Variants in HS1BP3 observed in about 807,000 individuals in gnomAD.
The protein encoded by HS1BP3 is HCLS1 binding protein 3.
Under a neutral mutation model 33.5 loss-of-function variants are expected in HS1BP3, and 32 were observed. The observed-to-expected ratio is 0.95, with a 90% confidence interval of 0.72 to 1.28. HS1BP3 has a LOEUF of 1.28. HS1BP3 is among the 50% of genes most tolerant of loss of function. HS1BP3 has a pLI of 0.00. For missense variants in HS1BP3, 486 were observed against 502.3 expected (o/e 0.97, Z 0.31); for synonymous variants, 187 against 209.2 (o/e 0.89, Z 0.92).
intron 5 of HS1BP3, among the ~76,000 whole-genome samples, chr2:20,583,358 GTTGGTT>G (rs879341838): frequency 0.04 from 5,925 of 149,430 alleles, 432 homozygotes; most frequent in African/African-American, 0.14. Context: ...GAGGGGCGCA[GTTGGTT>G]CTCACTATGG....
chr2:20,577,221 T>A (rs376710763), intron 5 of HS1BP3, among the ~76,000 whole-genome samples: 1 of 151,908 alleles, frequency 6.6e-6, no homozygotes, highest in Admixed American at 6.6e-5. Context: ...ATTGAGTTAA[T>A]ATTTCCGTAT....
chr2:20,565,829 G>A (rs1693112722), intron 5 of HS1BP3, among the ~76,000 whole-genome samples: 1 of 152,212 alleles, frequency 6.6e-6, no homozygotes, highest in Non-Finnish European at 1.5e-5. Context: ...GAGAGCCGGA[G>A]CCCTGCTGGA....
chr2:20,651,085 C>T lies in HS1BP3; in HGVS notation c.-22G>A. On this transcript the variant is annotated 5_prime_UTR_variant, in exon 1 of 7. Transcript: ENST00000304031. ...GCATGACGGCGGCGGGGACTCCGGG[C>T]GGGGCGCGCAGTCACGGGACCCGGC... The T allele has an allele frequency of 8.1e-7, 1 of 1,229,662 alleles. No individual in the cohort carries two copies. Among genetic ancestry groups the T allele is most frequent in the Non-Finnish European group, 1.0e-6 (1 of 986,418 alleles). The allele number at this position is 1,229,662 out of a possible 1,614,324, so 76.2% of individuals were successfully genotyped here. A position where few individuals can be genotyped will look rare whatever the true frequency, so the allele number is the denominator to read the frequency against.
At chr2:20,555,392 G>A in the HS1BP3 span, among the ~76,000 whole-genome samples, 3 of 152,212 alleles carry the variant, frequency 2.0e-5, no homozygotes, top group African/African-American at 4.8e-5. Context: ...GATTAAGAAT[G>A]ACAAGTTGGT....
intron 1 of HS1BP3, 37 bp from the exon 2 acceptor site, chr2:20,645,542 C>T (rs927520618): frequency 1.3e-6 from 2 of 1,585,798 alleles, no homozygotes; most frequent in Admixed American, 3.4e-5. Context: ...GGTTCAGGGT[C>T]AAGGCAGTAG....
At chr2:20,577,311 C>T (rs1327335489) in intron 5 of HS1BP3, among the ~76,000 whole-genome samples, 1 of 152,080 alleles carries the variant, frequency 6.6e-6, no homozygotes, top group Admixed American at 6.5e-5. Context: ...TCAGTCCCAG[C>T]CCAAACCCAG....
At chr2:20,607,094 T>C (rs1694204897) in intron 2 of HS1BP3, among the ~76,000 whole-genome samples, 1 of 152,066 alleles carries the variant, frequency 6.6e-6, no homozygotes, top group Admixed American at 6.5e-5. Context: ...ATAGCTCTTA[T>C]ATTTAGGTCT....
At chr2:20,622,274 G>T (rs762061104) in intron 6 of HS1BP3, 2 of 1,304,522 alleles carry the variant, frequency 1.5e-6, no homozygotes, top group South Asian at 2.5e-5. Context: ...TGTGGTTCCT[G>T]CTCTCAAGAA....
intron 2 of HS1BP3, among the ~76,000 whole-genome samples, chr2:20,606,121 CA>C (rs376588783): frequency 0.017 from 2,500 of 144,254 alleles, 54 homozygotes; most frequent in African/African-American, 0.058. Context: ...ATTTTTCTTT[CA>C]AAAAAAAAAA....
intron 2 of HS1BP3, among the ~76,000 whole-genome samples, chr2:20,603,677 C>T (rs777800807): frequency 5.9e-5 from 9 of 152,162 alleles, no homozygotes; most frequent in Admixed American, 1.3e-4. Flanking sequence ...ATTTGTACAA[C>T]TCTATGCATG....
chr2:20,631,553 A>AAAAAT (rs377095058), intron 4 of HS1BP3, among the ~76,000 whole-genome samples: 1 of 108,226 alleles, frequency 9.2e-6, no homozygotes, highest in Non-Finnish European at 1.9e-5. Flanking sequence ...AAAAAAAAAA[A>AAAAAT]GGGGCCAGCC....
chr2:20,598,766 G>C (rs1262069218), intron 2 of HS1BP3, among the ~76,000 whole-genome samples: 1 of 151,758 alleles, frequency 6.6e-6, no homozygotes, highest in Non-Finnish European at 1.5e-5. Context: ...CACTGTTTTA[G>C]CCGGGATGGT....
downstream of HS1BP3, among the ~76,000 whole-genome samples, chr2:20,614,525 C>T (rs998844610): frequency 6.6e-6 from 1 of 152,198 alleles, no homozygotes; most frequent in Non-Finnish European, 1.5e-5. Flanking sequence ...CAGCATGGCT[C>T]CTGGTAGAAT....
At chr2:20,579,372 G>T (rs1049713396) in intron 5 of HS1BP3, among the ~76,000 whole-genome samples, 1 of 152,258 alleles carries the variant, frequency 6.6e-6, no homozygotes, top group South Asian at 2.1e-4. Flanking sequence ...GACTTCGAGA[G>T]ACAGGGCTTC....
intron 5 of HS1BP3, among the ~76,000 whole-genome samples, chr2:20,562,659 C>T (rs1471350633): frequency 6.6e-6 from 1 of 152,106 alleles, no homozygotes; most frequent in Non-Finnish European, 1.5e-5. Flanking sequence ...GCACGATTGG[C>T]CTCTGAAGCA....
chr2:20,611,770 GC>G lies in HS1BP3; in HGVS notation c.178+12125del, dbSNP rs1442670267. Among the ~76,000 whole-genome samples the G allele has an allele frequency of 1.3e-5, 2 of 152,200 alleles. No individual in the cohort carries two copies. Among genetic ancestry groups the G allele is most frequent in the African/African-American group, 2.4e-5 (1 of 41,532 alleles). ...TGGTTTTGTATGTGCCCATTCCCAT[GC>G]CCCCCACCCCACGGTGAGGCAGCAG... is the stretch of plus-strand genomic sequence containing the variant. On this transcript the variant is annotated intron_variant, in intron 2 of 3. Coordinates refer to the HS1BP3 transcript ENST00000415264. This position sits in a 1 kb window ranked among gnomAD's most constrained non-coding sequence, Gnocchi z 4.9.
chr2:20,598,142 T>C, intron 3 of HS1BP3: 1 of 206,454 alleles, frequency 4.8e-6, no homozygotes, highest in Non-Finnish European at 1.1e-5. Context: ...CACATTACAT[T>C]TTTGGTGCAC....
At chr2:20,586,054 C>T (rs902812099) in intron 5 of HS1BP3, among the ~76,000 whole-genome samples, 1 of 152,200 alleles carries the variant, frequency 6.6e-6, no homozygotes, top group African/African-American at 2.4e-5. Flanking sequence ...GCTGCACTGC[C>T]GAGGCCCAGC....
downstream of HS1BP3, among the ~76,000 whole-genome samples, chr2:20,614,581 G>T (rs2149287410): frequency 6.6e-6 from 1 of 152,312 alleles, no homozygotes; most frequent in South Asian, 2.1e-4. Context: ...CCTCCAACTT[G>T]CCTGGAACAG....
Sources: allele counts gnomAD v4.1 joint callset (sites outside exome capture counted in the v4.1 genomes callset), GRCh38; gene constraint gnomAD v4.1.1; non-coding constraint Gnocchi (gnomAD v3.1); transcripts MANE v1.5; gene names NCBI Gene and HGNC (gene_info 2026-07-23, HGNC 2026-07-21).